The following URAD variants were observed in gnomAD, a reference collection of about 807,000 sequenced individuals.
The protein encoded by URAD is ureidoimidazoline (2-oxo-4-hydroxy-4-carboxy-5-) decarboxylase, also known as putative 2-oxo-4-hydroxy-4-carboxy-5-ureidoimidazoline decarboxylase.
Under a neutral mutation model 4.6 loss-of-function variants are expected in URAD, and 4 were observed. That is an observed-to-expected ratio of 0.87 (90% CI 0.43 to 1.98). The LOEUF is 1.98. URAD is among the 30% of genes most tolerant of loss of function. URAD has a pLI of 0.03. For missense variants in URAD, 300 were observed against 255.3 expected (o/e 1.18, Z -1.19); for synonymous variants, 144 against 118.2 (o/e 1.22, Z -1.41).
chr13:27,984,603 G>A (rs1345175597), intron 1 of URAD, among the ~76,000 whole-genome samples: 2 of 152,172 alleles, frequency 1.3e-5, no homozygotes, highest in African/African-American at 4.8e-5. Context: ...GTCTCTCTAA[G>A]GTACCTTCTT....
At chr13:27,982,377 C>T (rs904024596) in intron 1 of URAD, among the ~76,000 whole-genome samples, 9 of 152,094 alleles carry the variant, frequency 5.9e-5, no homozygotes, top group Non-Finnish European at 1.0e-4. Context: ...GCTGAGATTG[C>T]GCCACTGCAC....
chr13:27,979,981 A>C (rs556459444), intron 1 of URAD, among the ~76,000 whole-genome samples: 1 of 152,218 alleles, frequency 6.6e-6, no homozygotes, highest in Non-Finnish European at 1.5e-5. Context: ...AGGCGTTTTC[A>C]GGGCACGGCT....
At chr13:27,979,184 C>T (rs1354695654) in intron 1 of URAD, among the ~76,000 whole-genome samples, 1 of 152,162 alleles carries the variant, frequency 6.6e-6, no homozygotes, top group East Asian at 1.9e-4. Flanking sequence ...ATTTAGGAAA[C>T]TGCACCCACC....
At chr13:27,980,343 G>A (rs986876824) in intron 1 of URAD, among the ~76,000 whole-genome samples, 7 of 152,218 alleles carry the variant, frequency 4.6e-5, no homozygotes, top group Middle Eastern at 3.2e-3. Flanking sequence ...GCGAAAATGT[G>A]AGAATTAAAT....
Position 27,978,075 on chromosome 13 carries a change from G to A in URAD, c.*31C>T. 7.0e-7 allele frequency: 1 copy of A among 1,427,302 alleles called. No individual in the cohort carries two copies. Among genetic ancestry groups the A allele is most frequent in the Non-Finnish European group, 9.1e-7 (1 of 1,103,146 alleles). 88.4% of individuals were successfully genotyped at this position (1,427,302 alleles called of 1,614,324 possible). On this transcript the variant is annotated 3_prime_UTR_variant, in exon 2 of 2. Transcript: ENST00000332715. ...GGCCGTGGCCCCCGCGCGTCCGGTT[G>A]TGCGTCCCGGGTCCCTGGCCCGCGC...
rs117527079 is a variant in URAD at position 27,986,867 on chromosome 13, C to T, written c.175+1596G>A. On this transcript the variant is annotated intron_variant, in intron 1 of 1. Transcript: ENST00000332715. ...CAGCTGAGAGGCTGTGGTCCCTTCA[C>T]TCATCAGGCTGGGACTGGGCTGTCC... Among the ~76,000 whole-genome samples the T allele has an allele frequency of 3.0e-3, 464 of 152,350 alleles. 2 individuals carry two copies. The highest frequency in any genetic ancestry group is 4.7e-3 in the Non-Finnish European group (318 of 68,034).
intron 1 of URAD, among the ~76,000 whole-genome samples, chr13:27,979,537 T>C (rs1397167096): frequency 2.0e-5 from 3 of 152,232 alleles, no homozygotes; most frequent in Admixed American, 6.5e-5. Context: ...ACACATCGCC[T>C]AATACCTAGT....
chr13:27,984,013 T>C (rs574948392), intron 1 of URAD, among the ~76,000 whole-genome samples: 1 of 152,324 alleles, frequency 6.6e-6, no homozygotes, highest in Admixed American at 6.5e-5. Flanking sequence ...AAGTAATAAA[T>C]TGTGGCATTA....
intron 1 of URAD, among the ~76,000 whole-genome samples, chr13:27,980,071 T>G (rs1433383355): frequency 6.6e-6 from 1 of 152,116 alleles, no homozygotes; most frequent in African/African-American, 2.4e-5. Context: ...CTGTTTTTTG[T>G]TTTTTGTGTG....
chr13:27,978,220 C>A lies in URAD; in HGVS notation c.408G>T (p.Ala136=), dbSNP rs1467812261. The A allele has an allele frequency of 4.8e-6, 7 of 1,471,058 alleles. No individual in the cohort carries two copies. The highest frequency in any genetic ancestry group is 2.6e-5 in the Admixed American group (1 of 38,586). The allele number at this position is 1,471,058 out of a possible 1,614,324, so 91.1% of individuals were successfully genotyped here. A position where few individuals can be genotyped will look rare whatever the true frequency, so the allele number is the denominator to read the frequency against. ...SDRTAVPREL[A]RRLLCPSAQE... is the part of the protein sequence containing the mutation. ...GCGCGGACGGGCAGAGCAGCCGGCG[C>A]GCCAGCTCGCGCGGCACCGCCGTCC... The change falls in exon 2 of 2, where the codon GCG becomes GCT. Residue 136 remains alanine, a synonymous_variant. Coordinates refer to ENST00000332715, the MANE Select transcript of URAD (RefSeq NM_001105577.2).
At chr13:27,983,955 T>C (rs928918695) in intron 1 of URAD, among the ~76,000 whole-genome samples, 14 of 152,250 alleles carry the variant, frequency 9.2e-5, no homozygotes, top group African/African-American at 3.1e-4. Context: ...AGGAACTTAT[T>C]AGTATCCAAC....
chr13:27,988,661 C>A lies in URAD; in HGVS notation c.-24G>T. The A allele has an allele frequency of 6.4e-7, 1 of 1,555,264 alleles. No homozygotes were observed. The highest frequency in any genetic ancestry group is 8.7e-7 in the Non-Finnish European group (1 of 1,148,344). On this transcript the variant is annotated 5_prime_UTR_variant, in exon 1 of 2. Transcript: ENST00000332715. ...ATTCCTTGTATTCCACTGGAGACAG[C>A]GGGACGTCCAGCTCCCCTCTCGGTG...
chr13:27,983,125 T>C (rs1286947908), intron 1 of URAD, among the ~76,000 whole-genome samples: 1 of 152,214 alleles, frequency 6.6e-6, no homozygotes, highest in Non-Finnish European at 1.5e-5. Context: ...AGGCCCTTGC[T>C]GCCTCTTCCT....
chr13:27,982,518 T>A lies in URAD; in HGVS notation c.176-4066A>T, dbSNP rs141849273. On this transcript the variant is annotated intron_variant, in intron 1 of 1. Coordinates refer to ENST00000332715, the MANE Select transcript of URAD (RefSeq NM_001105577.2). ...CTAGCACTAGTACCACAGGACTCAG[T>A]ACCCACATCTCATCCCTTTGTTGTT... Among the ~76,000 whole-genome samples, 131 of 152,322 alleles carry A rather than the reference T, an allele frequency of 8.6e-4. 2 individuals carry two copies. In the East Asian group the frequency reaches 0.025, roughly 29 times the overall value.
rs549250866 is a variant in URAD, at chr13:27,978,175, C to T, written c.453G>A (p.Leu151=). ...CPSAQELRTA[L]GEVKKIGSLR... is the part of the protein sequence containing the mutation. ...GGCTGCCGATCTTCTTCACCTCGCCCAGAGCAGTGCGCAGCTCCTGCGCGG... is the reference window on the plus strand; with the variant it reads ...GGCTGCCGATCTTCTTCACCTCGCCTAGAGCAGTGCGCAGCTCCTGCGCGG... The change falls in exon 2 of 2, where the codon CTG becomes CTA. Residue 151 remains leucine, a synonymous_variant. Coordinates refer to ENST00000332715, the MANE Select transcript of URAD (RefSeq NM_001105577.2). 1.3e-6 allele frequency: 2 copies of T among 1,527,768 alleles called. No individual in the cohort carries two copies. Among genetic ancestry groups the T allele is most frequent in the African/African-American group, 1.4e-5 (1 of 69,932 alleles). The allele number at this position is 1,527,768 out of a possible 1,614,324, so 94.6% of individuals were successfully genotyped here.
chr13:27,986,866 A>C (rs1034335216), intron 1 of URAD, among the ~76,000 whole-genome samples: 2 of 151,978 alleles, frequency 1.3e-5, no homozygotes, highest in African/African-American at 2.4e-5. Context: ...TGGTCCCTTC[A>C]CTCATCAGGC....
chr13:27,978,174 C>T lies in URAD; in HGVS notation c.454G>A (p.Gly152Ser). The T allele has an allele frequency of 6.5e-7, 1 of 1,530,428 alleles. No individual in the cohort carries two copies. The highest frequency in any genetic ancestry group is 8.7e-7 in the Non-Finnish European group (1 of 1,151,160). 94.8% of individuals were successfully genotyped at this position (1,530,428 alleles called of 1,614,324 possible). A position where few individuals can be genotyped will look rare whatever the true frequency, so the allele number is the denominator to read the frequency against. The change falls in exon 2 of 2, where the codon GGC becomes AGC. Residue 152 changes from glycine to serine, a missense_variant. Physicochemically the swap from Gly to Ser is moderately conservative, Grantham distance 56. Transcript: ENST00000332715. ...PSAQELRTAL[G>S]EVKKIGSLRL... ...AGGCTGCCGATCTTCTTCACCTCGC[C>T]CAGAGCAGTGCGCAGCTCCTGCGCG...
intron 1 of URAD, among the ~76,000 whole-genome samples, chr13:27,979,946 G>A (rs1869826600): frequency 2.6e-5 from 4 of 152,178 alleles, no homozygotes; most frequent in Admixed American, 2.6e-4. Flanking sequence ...ACCACACTGC[G>A]CCTGGACCCT....
chr13:27,978,117 C>A lies in URAD; in HGVS notation c.511G>T (p.Ala171Ser), dbSNP rs1409304099. Residue 171 changes from alanine (A) to serine (S), a missense_variant, in exon 2 of 2, where the codon GCC (alanine) becomes TCC (serine). Physicochemically the swap from Ala to Ser is moderately conservative, Grantham distance 99. Coordinates refer to ENST00000332715, the MANE Select transcript of URAD (RefSeq NM_001105577.2). ...GGCCCGCGCGGCAGCTACAGCTTGGCGGGGTCTGCGCGGAGGAGGTCGGCC... is the reference window on the plus strand; with the variant it reads ...GGCCCGCGCGGCAGCTACAGCTTGGAGGGGTCTGCGCGGAGGAGGTCGGCC... ...RLADLLRADP[A>S]KL is the part of the protein sequence containing the mutation. The A allele has an allele frequency of 2.6e-6, 4 of 1,516,396 alleles. No homozygotes were observed. The highest frequency in any genetic ancestry group is 1.2e-5 in the South Asian group (1 of 80,512). 93.9% of individuals were successfully genotyped at this position (1,516,396 alleles called of 1,614,324 possible).
Sources: gnomAD v4.1 joint callset for allele counts (sites outside exome capture counted in the v4.1 genomes callset) on GRCh38, gnomAD v4.1.1 for gene constraint, MANE v1.5 for transcripts, NCBI Gene and HGNC (gene_info 2026-07-23, HGNC 2026-07-21) for gene names.